The following ADK variants were observed in gnomAD, a reference collection of about 807,000 sequenced individuals.
ADK encodes N6,N6-dimethyladenosine kinase.
Under a neutral mutation model 44.7 loss-of-function variants are expected in ADK, and 24 were observed. The ratio of observed to expected loss-of-function variants is 0.54; its 90% confidence interval spans 0.39 to 0.76. The LOEUF (loss-of-function observed/expected upper bound fraction) is 0.76, where lower values mean the gene tolerates loss of function less well. Ranked by LOEUF, ADK falls within the 30% of genes least tolerant of loss-of-function variation. ADK has a pLI of 0.00. For missense variants in ADK, 321 were observed against 425.1 expected (o/e 0.76, Z 2.15); for synonymous variants, 128 against 142.6 (o/e 0.90, Z 0.73).
chr10:74,548,208 TG>T (rs1485483767), intron 7 of ADK, among the ~76,000 whole-genome samples: 11 of 152,194 alleles, frequency 7.2e-5, no homozygotes, highest in African/African-American at 1.4e-4. Flanking sequence ...TTTTACTGTT[TG>T]TTTTCTTTTC....
At chr10:74,158,139 C>T (rs1037354628) in intron 1 of ADK, among the ~76,000 whole-genome samples, 3 of 151,962 alleles carry the variant, frequency 2.0e-5, no homozygotes, top group Admixed American at 6.6e-5. Context: ...TTTAGACACT[C>T]CAAATTTAAT....
Position 74,418,484 on chromosome 10 carries a change from T to C in ADK, c.555+19905T>C, listed in dbSNP as rs560655969. ...TGTTGAACAGGAGCCAAATGTTTGGTGGCAGTCTGTTGCTAGGAAATCAAG... is the reference window on the plus strand; with the variant it reads ...TGTTGAACAGGAGCCAAATGTTTGGCGGCAGTCTGTTGCTAGGAAATCAAG... On this transcript the variant is annotated intron_variant, in intron 6 of 10. Transcript: ENST00000539909. Among the ~76,000 whole-genome samples the C allele has an allele frequency of 2.6e-5, 4 of 152,310 alleles. No individual in the cohort carries two copies. In the South Asian group the frequency reaches 8.3e-4, roughly 32 times the overall value.
chr10:74,430,106 C>G (rs549466383), intron 6 of ADK, among the ~76,000 whole-genome samples: 3 of 152,100 alleles, frequency 2.0e-5, no homozygotes, highest in Non-Finnish European at 4.4e-5. Context: ...AAGTAGCAGA[C>G]CCAGGATTTT....
At chr10:74,420,364 A>T (rs1037219939) in intron 6 of ADK, among the ~76,000 whole-genome samples, 1 of 152,160 alleles carries the variant, frequency 6.6e-6, no homozygotes, top group Non-Finnish European at 1.5e-5. Context: ...AGTGCTTTAG[A>T]TCTATGAAAC....
In ADK at chr10:74,176,501, G is replaced by A. The variant is rs563715740; in HGVS notation, c.66-24263G>A. On this transcript the variant is annotated intron_variant, in intron 1 of 10. Transcript: ENST00000539909. The stretch of plus-strand genomic sequence containing the variant: ...GTTGCCAGAGGCGCGGCCATTTTTG[G>A]GGCGGGCACCCAATCTCTCGCCCTG... The A allele has an allele frequency of 3.9e-5, 46 of 1,179,136 alleles. No individual in the cohort carries two copies. In the African/African-American group the frequency reaches 7.5e-4, roughly 19 times the overall value. The allele number at this position is 1,179,136 out of a possible 1,614,324, so 73.0% of individuals were successfully genotyped here.
At chr10:74,605,238 T>C (rs1356905006) in intron 9 of ADK, among the ~76,000 whole-genome samples, 1 of 152,182 alleles carries the variant, frequency 6.6e-6, no homozygotes. Flanking sequence ...CCTTTATTTC[T>C]TTCTCTTGCC....
intron 4 of ADK, among the ~76,000 whole-genome samples, chr10:74,392,170 A>G (rs7921832): frequency 0.015 from 2,227 of 152,264 alleles, 55 homozygotes; most frequent in African/African-American, 0.051. Context: ...TTTTGACTGT[A>G]TACCCAGAAG....
At chr10:74,404,248 A>G (rs1296738578) in intron 6 of ADK, among the ~76,000 whole-genome samples, 4 of 151,786 alleles carry the variant, frequency 2.6e-5, no homozygotes, top group South Asian at 4.2e-4. Context: ...TTACTTCTAC[A>G]TATATATTAT....
chr10:74,190,614 G>A (rs1382130490), intron 1 of ADK, among the ~76,000 whole-genome samples: 2 of 152,190 alleles, frequency 1.3e-5, no homozygotes, highest in Non-Finnish European at 2.9e-5. Context: ...TGGGGGAAAA[G>A]CCTGTTAGCA....
At chr10:74,651,260 A>C (rs1290855163) in intron 9 of ADK, among the ~76,000 whole-genome samples, 8 of 152,078 alleles carry the variant, frequency 5.3e-5, no homozygotes, top group Admixed American at 3.3e-4. Context: ...TCTAATAGGC[A>C]TTGGCAATCC....
At chr10:74,370,654 A>T (rs1454464958) in intron 4 of ADK, among the ~76,000 whole-genome samples, 1 of 152,092 alleles carries the variant, frequency 6.6e-6, no homozygotes, top group Non-Finnish European at 1.5e-5. Flanking sequence ...CATTGCTGGC[A>T]GTTTGAAATA....
intron 4 of ADK, among the ~76,000 whole-genome samples, chr10:74,320,669 A>G (rs1840777279): frequency 1.3e-5 from 2 of 152,160 alleles, no homozygotes; most frequent in Non-Finnish European, 2.9e-5. Flanking sequence ...TAAGATAGAA[A>G]AAAACACCAT....
At position 74,479,376 on chromosome 10, in the gene ADK, G is replaced by A. The variant is rs941488472; in HGVS notation, c.556-45880G>A. ...GGTTTATCATTCTCTATCTCTTTTA[G>A]CCACTTTGTTTTTTGTTGGTTTTTT... On this transcript the variant is annotated intron_variant, in intron 6 of 10. Transcript: ENST00000539909. 6.1e-5 allele frequency among the ~76,000 whole-genome samples: 9 copies of A among 146,678 alleles called. 1 individual carries two copies. The East Asian group carries it at 1.8e-3, about 29-fold the overall frequency.
At chr10:74,283,714 G>A (rs1238607093) in intron 3 of ADK, among the ~76,000 whole-genome samples, 3 of 129,380 alleles carry the variant, frequency 2.3e-5, no homozygotes, top group Non-Finnish European at 3.1e-5. Context: ...ACAGAGTCTC[G>A]CTCTTGCCCA....
intron 7 of ADK, among the ~76,000 whole-genome samples, chr10:74,583,777 G>C (rs1357497769): frequency 6.6e-6 from 1 of 152,136 alleles, no homozygotes; most frequent in African/African-American, 2.4e-5. Context: ...GGGAATCCAG[G>C]CACTGCTTAC....
chr10:74,661,378 C>A, intron 9 of ADK: 1 of 629,454 alleles, frequency 1.6e-6, no homozygotes, highest in Non-Finnish European at 2.0e-6. Context: ...CCTGCCTTTG[C>A]CATGGGACTC....
chr10:74,655,540 T>C, intron 9 of ADK: 1 of 497,936 alleles, frequency 2.0e-6, no homozygotes, highest in South Asian at 1.6e-5. Context: ...ATGAACCAGA[T>C]GTTAAACCTT....
intron 3 of ADK, among the ~76,000 whole-genome samples, chr10:74,231,807 A>G (rs1201432876): frequency 6.6e-6 from 1 of 152,118 alleles, no homozygotes; most frequent in East Asian, 1.9e-4. Flanking sequence ...ATGTAGTCAT[A>G]ATACTTGTAA....
chr10:74,509,853 T>C (rs2133510134), intron 6 of ADK, among the ~76,000 whole-genome samples: 1 of 152,250 alleles, frequency 6.6e-6, no homozygotes, highest in East Asian at 1.9e-4. Context: ...TTTCTGTTCC[T>C]AACATTTCAC....
Sources: allele counts gnomAD v4.1 joint callset (sites outside exome capture counted in the v4.1 genomes callset), GRCh38; gene constraint gnomAD v4.1.1; transcripts MANE v1.5; gene names NCBI Gene and HGNC (gene_info 2026-07-23, HGNC 2026-07-21).